Variants in SCRG1 observed in about 807,000 individuals in gnomAD.
SCRG1 encodes scrapie-responsive protein 1.
SCRG1 carries 3 observed loss-of-function variants against 7.7 expected under a neutral mutation model. The ratio of observed to expected loss-of-function variants is 0.39; its 90% confidence interval spans 0.18 to 1.01. SCRG1 has a LOEUF of 1.01. Among genes scored for constraint, SCRG1 ranks in the 50% least tolerant of loss-of-function variants. SCRG1 has a pLI of 0.36. For synonymous variants in SCRG1, 46 were observed against 41.2 expected, an observed-to-expected ratio of 1.12 and a Z score of -0.44; for missense variants, 110 against 117.2, an observed-to-expected ratio of 0.94 and a Z score of 0.28.
chr4:173,430,145 T>C, the SCRG1 span, among the ~76,000 whole-genome samples: 3 of 152,112 alleles, frequency 2.0e-5, no homozygotes, highest in African/African-American at 7.2e-5. Flanking sequence ...TGTAGATCTG[T>C]GAAGCGGGGG....
chr4:173,490,898 C>G, the SCRG1 span, among the ~76,000 whole-genome samples: 4 of 152,152 alleles, frequency 2.6e-5, no homozygotes, highest in Admixed American at 6.5e-5. Context: ...AGTCTGGTCC[C>G]TCCTGTGGCT....
At chr4:173,500,013 G>A in the SCRG1 span, among the ~76,000 whole-genome samples, 1 of 152,182 alleles carries the variant, frequency 6.6e-6, no homozygotes, top group African/African-American at 2.4e-5. Context: ...GGTGGACCTG[G>A]CTCTAAGTGT....
the SCRG1 span, among the ~76,000 whole-genome samples, chr4:173,482,744 G>C: frequency 6.6e-6 from 1 of 151,428 alleles, no homozygotes; most frequent in Non-Finnish European, 1.5e-5. Flanking sequence ...CATGAGCCCA[G>C]GAGGTCAAGG....
At chr4:173,492,497 C>T in the SCRG1 span, among the ~76,000 whole-genome samples, 22 of 152,132 alleles carry the variant, frequency 1.4e-4, 1 homozygote, top group Middle Eastern at 0.02. Context: ...GCATGAGGCA[C>T]CCAAGCAGGC....
chr4:173,509,347 T>A, the SCRG1 span, among the ~76,000 whole-genome samples: 1 of 152,140 alleles, frequency 6.6e-6, no homozygotes, highest in African/African-American at 2.4e-5. This position sits in a 1 kb window ranked among gnomAD's most constrained non-coding sequence, Gnocchi z 5.7. Context: ...GCTCTGAGCC[T>A]CCCACTCTGT....
the SCRG1 span, among the ~76,000 whole-genome samples, chr4:173,475,132 A>G: frequency 1.3e-5 from 2 of 152,160 alleles, no homozygotes; most frequent in Non-Finnish European, 2.9e-5. Context: ...CAAGAAAGGA[A>G]TGTGACAGAA....
chr4:173,512,792 T>G, the SCRG1 span, among the ~76,000 whole-genome samples: 1 of 152,232 alleles, frequency 6.6e-6, no homozygotes, highest in Non-Finnish European at 1.5e-5. Flanking sequence ...TCTATTAGAC[T>G]TGGGGAGCAA....
the SCRG1 span, among the ~76,000 whole-genome samples, chr4:173,484,542 T>TAA: frequency 1.2e-5 from 1 of 80,724 alleles, no homozygotes; most frequent in African/African-American, 5.4e-5. Flanking sequence ...ATATATTATG[T>TAA]ATATTTTATA....
At chr4:173,453,403 T>A in the SCRG1 span, among the ~76,000 whole-genome samples, 1,072 of 152,354 alleles carry the variant, frequency 7.0e-3, 12 homozygotes, top group Non-Finnish European at 0.01. Flanking sequence ...AACAGAGATG[T>A]TGTGACAAAT....
At chr4:173,506,930 C>T in the SCRG1 span, among the ~76,000 whole-genome samples, 2 of 152,320 alleles carry the variant, frequency 1.3e-5, no homozygotes, top group Admixed American at 1.3e-4. This position sits in a 1 kb window ranked among gnomAD's most constrained non-coding sequence, Gnocchi z 5.3. Flanking sequence ...GCTGTTTTCT[C>T]CTCCGCTCGC....
chr4:173,492,094 C>T, the SCRG1 span, among the ~76,000 whole-genome samples: 1 of 151,940 alleles, frequency 6.6e-6, no homozygotes, highest in African/African-American at 2.4e-5. Context: ...TGTGTGACTG[C>T]CCTCCAGCCT....
the SCRG1 span, among the ~76,000 whole-genome samples, chr4:173,418,558 C>T: frequency 3.3e-5 from 5 of 152,170 alleles, no homozygotes; most frequent in Non-Finnish European, 5.9e-5. Context: ...CTGACCAGTA[C>T]GGAGTTTGAA....
the SCRG1 span, among the ~76,000 whole-genome samples, chr4:173,495,534 G>A: frequency 3.9e-5 from 6 of 152,106 alleles, no homozygotes; most frequent in Admixed American, 1.3e-4. Flanking sequence ...GGGAAATATG[G>A]GTTTGCATTT....
At chr4:173,484,513 T>G in the SCRG1 span, among the ~76,000 whole-genome samples, 1 of 76,852 alleles carries the variant, frequency 1.3e-5, no homozygotes, top group Non-Finnish European at 2.3e-5. Flanking sequence ...TTATATATTA[T>G]ATACATATAA....
chr4:173,419,994 T>C, the SCRG1 span: 1 of 692,580 alleles, frequency 1.4e-6, no homozygotes, highest in Non-Finnish European at 2.7e-6. Context: ...TCATCCTGTA[T>C]TTGGGTGTGT....
chr4:173,463,950 CAATGGGGGGAG>C, the SCRG1 span, among the ~76,000 whole-genome samples: 1 of 152,126 alleles, frequency 6.6e-6, no homozygotes, highest in Non-Finnish European at 1.5e-5. Context: ...ATTCAACGGA[CAATGGGGGGAG>C]AATGCCAATT....
the SCRG1 span, among the ~76,000 whole-genome samples, chr4:173,485,070 T>A: frequency 1.4e-3 from 10 of 7,178 alleles, no homozygotes; most frequent in African/African-American, 2.8e-3. Context: ...TATTATATAT[T>A]ATATATTATA....
intron 2 of SCRG1, among the ~76,000 whole-genome samples, chr4:173,389,413 G>A (rs1460194511): frequency 6.6e-6 from 1 of 152,166 alleles, no homozygotes; most frequent in Non-Finnish European, 1.5e-5. Flanking sequence ...GCGGGCGCCT[G>A]TAGTCCCAGC....
chr4:173,472,792 C>T, the SCRG1 span, among the ~76,000 whole-genome samples: 60 of 152,300 alleles, frequency 3.9e-4, no homozygotes, highest in Admixed American at 2.8e-3. Context: ...CCCAAAAACA[C>T]ACTCACAGAC....
Sources: gnomAD v4.1 joint callset for allele counts (sites outside exome capture counted in the v4.1 genomes callset) on GRCh38, gnomAD v4.1.1 for gene constraint, Gnocchi (gnomAD v3.1) non-coding constraint, MANE v1.5 for transcripts, NCBI Gene and HGNC (gene_info 2026-07-23, HGNC 2026-07-21) for gene names.